The following ZNF148 variants were observed in gnomAD, a reference collection of about 807,000 sequenced individuals.
ZNF148 encodes the protein Beta-Enolase Repressor Factor-1.
A neutral mutation model predicts 67.7 loss-of-function variants in ZNF148; 7 were observed. That is an observed-to-expected ratio of 0.10 (90% CI 0.06 to 0.19). ZNF148 has a LOEUF of 0.19. Ranked by LOEUF, ZNF148 falls within the 10% of genes least tolerant of loss-of-function variation. The pLI is 1.00. For synonymous variants in ZNF148, 333 were observed against 330.7 expected, an observed-to-expected ratio of 1.01 and a Z score of -0.08; for missense variants, 583 against 947.1, an observed-to-expected ratio of 0.62 and a Z score of 5.05.
intron 5 of ZNF148, among the ~76,000 whole-genome samples, chr3:125,284,835 C>T (rs1294730208): frequency 1.3e-5 from 2 of 151,162 alleles, no homozygotes; most frequent in South Asian, 2.1e-4. Context: ...AGGCATGCTG[C>T]CAAGTGTATT....
At chr3:125,306,825 A>T (rs1222374581) in intron 4 of ZNF148, among the ~76,000 whole-genome samples, 3 of 151,974 alleles carry the variant, frequency 2.0e-5, no homozygotes, top group Non-Finnish European at 4.4e-5. Flanking sequence ...GTGACCCTGC[A>T]CTCTGCACTC....
intron 1 of ZNF148, chr3:125,338,761 C>T (rs1316339385): frequency 1.4e-5 from 2 of 146,084 alleles, no homozygotes; most frequent in Non-Finnish European, 3.0e-5. Context: ...CATTTAAAAA[C>T]TTGTAAGTGG....
chr3:125,359,403 TTC>T (rs1301408697), intron 1 of ZNF148, among the ~76,000 whole-genome samples: 2 of 151,310 alleles, frequency 1.3e-5, no homozygotes, highest in South Asian at 2.1e-4. Flanking sequence ...TAAATATGCT[TTC>T]TCTCTCTCTC....
intron 1 of ZNF148, among the ~76,000 whole-genome samples, chr3:125,338,525 T>C (rs1407020324): frequency 6.6e-6 from 1 of 151,764 alleles, no homozygotes; most frequent in Non-Finnish European, 1.5e-5. Flanking sequence ...CCAGGCATGG[T>C]GGTACACGCC....
intron 7 of ZNF148, among the ~76,000 whole-genome samples, chr3:125,276,408 TTTTATTTATTTA>T (rs34560368): frequency 1.3e-5 from 2 of 151,546 alleles, no homozygotes; most frequent in African/African-American, 4.8e-5. Context: ...ACAGTTAAAG[TTTTATTTATTTA>T]TTTATTTATT....
intron 1 of ZNF148, among the ~76,000 whole-genome samples, chr3:125,366,115 A>G (rs757544636): frequency 8.5e-5 from 13 of 152,212 alleles, no homozygotes; most frequent in Non-Finnish European, 8.8e-5. Flanking sequence ...AAAGTTCAAC[A>G]GCTATACACT....
At chr3:125,299,168 C>A (rs943372595) in intron 4 of ZNF148, among the ~76,000 whole-genome samples, 1 of 152,162 alleles carries the variant, frequency 6.6e-6, no homozygotes, top group Non-Finnish European at 1.5e-5. Context: ...AATATAAAAA[C>A]ACCAAAGTAG....
intron 7 of ZNF148, among the ~76,000 whole-genome samples, chr3:125,256,603 G>A (rs1436312505): frequency 6.6e-6 from 1 of 152,134 alleles, no homozygotes; most frequent in Non-Finnish European, 1.5e-5. Context: ...TTGAACCCAG[G>A]AGGCAGTGGC....
rs1385949814 is a variant in ZNF148 at position 125,230,698 on chromosome 3, A to T, written c.*1643T>A. The T allele has an allele frequency of 6.6e-6, 1 of 152,418 alleles. No individual in the cohort carries two copies. The highest frequency in any genetic ancestry group is 1.5e-5 in the Non-Finnish European group (1 of 67,950). 9.4% of individuals were successfully genotyped at this position (152,418 alleles called of 1,614,324 possible). A position where few individuals can be genotyped will look rare whatever the true frequency, so the allele number is the denominator to read the frequency against. On this transcript the variant is annotated 3_prime_UTR_variant, in exon 9 of 9. Transcript: ENST00000360647. Reference sequence around the variant, plus strand: ...ATTGAAACAAAGACTGCAGAGCTATAGGGCCAGTATAAGAGTCAAAATGGA... The same window carrying T: ...ATTGAAACAAAGACTGCAGAGCTATTGGGCCAGTATAAGAGTCAAAATGGA...
At chr3:125,300,957 T>C (rs1283702247) in intron 4 of ZNF148, among the ~76,000 whole-genome samples, 1 of 54,748 alleles carries the variant, frequency 1.8e-5, no homozygotes, top group African/African-American at 1.6e-4. Flanking sequence ...ATAAGCCAAA[T>C]AGTTTTTTTA....
Position 125,303,099 on chromosome 3 carries a change from T to C in ZNF148, c.333+10209A>G, listed in dbSNP as rs368082540. On this transcript the variant is annotated intron_variant, in intron 4 of 8. Transcript: ENST00000360647. ...AGAGCATTACGTTGAGTGAAAAAAA[T>C]AGTCAATTCCAAAAGGTCACATCCT... 9.1e-4 allele frequency among the ~76,000 whole-genome samples: 139 copies of C among 152,034 alleles called. 1 individual carries two copies. The highest frequency in any genetic ancestry group is 3.2e-3 in the African/African-American group (132 of 41,428).
intron 1 of ZNF148, among the ~76,000 whole-genome samples, chr3:125,341,754 G>A (rs1393472275): frequency 6.6e-6 from 1 of 152,176 alleles, no homozygotes; most frequent in Non-Finnish European, 1.5e-5. Context: ...CAGCACTTTG[G>A]AAGGCCAAGG....
intron 7 of ZNF148, among the ~76,000 whole-genome samples, chr3:125,260,302 TA>T (rs138694167): frequency 4.1e-5 from 6 of 148,138 alleles, no homozygotes; most frequent in Admixed American, 6.7e-5. Flanking sequence ...AACCTTCAAT[TA>T]AAAAAAAAAC....
At chr3:125,278,784 G>A (rs1218592788) in intron 6 of ZNF148, among the ~76,000 whole-genome samples, 1 of 152,044 alleles carries the variant, frequency 6.6e-6, no homozygotes, top group Non-Finnish European at 1.5e-5. Context: ...CCAAATCCAT[G>A]TTTTAAACTC....
intron 7 of ZNF148, among the ~76,000 whole-genome samples, chr3:125,236,702 C>T (rs781322401): frequency 3.3e-5 from 5 of 152,282 alleles, no homozygotes; most frequent in East Asian, 3.9e-4. Context: ...AGAGCTGAAG[C>T]GTTTCCCGTG....
chr3:125,235,927 A>C (rs1261760692), intron 7 of ZNF148, among the ~76,000 whole-genome samples: 3 of 127,276 alleles, frequency 2.4e-5, no homozygotes, highest in Non-Finnish European at 4.7e-5. Context: ...AGGAAGGGGA[A>C]CATCATAAAC....
rs1489475246 is a variant in ZNF148 at position 125,268,464 on chromosome 3, A to T, written c.667+9262T>A. On this transcript the variant is annotated intron_variant, in intron 7 of 8. Transcript: ENST00000360647. ...TGGCAAAAAATAATCAATGGGGAAA[A>T]GACCCCTAATAAATGGTGCAGTGGA... Among the ~76,000 whole-genome samples, 5 of 152,132 alleles carry T rather than the reference A, an allele frequency of 3.3e-5. No individual in the cohort carries two copies. The East Asian group carries it at 9.6e-4, about 29-fold the overall frequency.
At chr3:125,322,057 A>C (rs1452584722) in intron 3 of ZNF148, among the ~76,000 whole-genome samples, 1 of 113,354 alleles carries the variant, frequency 8.8e-6, no homozygotes, top group Non-Finnish European at 1.7e-5. Context: ...TTTGAGAGAG[A>C]GTCTCGCTCT....
At chr3:125,278,527 A>AT (rs1227125448) in intron 6 of ZNF148, among the ~76,000 whole-genome samples, 3 of 151,930 alleles carry the variant, frequency 2.0e-5, no homozygotes, top group East Asian at 1.9e-4. Flanking sequence ...TATTCCAAAG[A>AT]TTTTTTCTTG....
Sources: allele counts gnomAD v4.1 joint callset (sites outside exome capture counted in the v4.1 genomes callset), GRCh38; gene constraint gnomAD v4.1.1; transcripts MANE v1.5; gene names NCBI Gene and HGNC (gene_info 2026-07-23, HGNC 2026-07-21).